The following EPS8 variants were observed in gnomAD, a reference collection of about 807,000 sequenced individuals.
The protein encoded by EPS8 is epidermal growth factor receptor kinase substrate 8.
In EPS8, 42 loss-of-function variants were observed where a neutral mutation model predicts 103.8. The ratio of observed to expected loss-of-function variants is 0.40; its 90% CI spans 0.32 to 0.52. The LOEUF (loss-of-function observed/expected upper bound fraction) is 0.52. Among genes scored for constraint, EPS8 ranks in the 20% least tolerant of loss-of-function variants. The pLI is 0.40. For missense variants in EPS8, 969 were observed against 1,005.1 expected (o/e 0.96, Z 0.49); for synonymous variants, 344 against 344.6 (o/e 1.00, Z 0.02).
intron 1 of EPS8, among the ~76,000 whole-genome samples, chr12:15,770,347 A>G (rs1947141199): frequency 6.6e-6 from 1 of 151,864 alleles, no homozygotes; most frequent in Non-Finnish European, 1.5e-5. Context: ...GGAAAAAATA[A>G]CATTATTCAT....
At chr12:15,709,160 A>T (rs1159998452) in intron 1 of EPS8, among the ~76,000 whole-genome samples, 3 of 152,228 alleles carry the variant, frequency 2.0e-5, no homozygotes, top group Admixed American at 2.0e-4. Context: ...AAGGCAACCT[A>T]GAAGAAACAA....
chr12:15,651,115 A>C, intron 13 of EPS8, 109 bp from the exon 14 acceptor site: 1 of 798,808 alleles, frequency 1.3e-6, no homozygotes, highest in Non-Finnish European at 2.0e-6. Context: ...CATAAATAAC[A>C]AACAACAAAA....
intron 1 of EPS8, among the ~76,000 whole-genome samples, chr12:15,715,371 T>C: frequency 6.9e-6 from 1 of 145,492 alleles, no homozygotes; most frequent in African/African-American, 2.5e-5. Context: ...AAGAGCGCTT[T>C]CTTTTTTTTT....
At position 15,697,614 on chromosome 12, in the gene EPS8, C is replaced by T. The variant is rs1449695593; in HGVS notation, c.-21-14642G>A. ...GGGATAAAATTCAACCACTTTGCCA[C>T]ATAGAGGAAAATAATGGCTAGAGTT... is the stretch of plus-strand genomic sequence containing the variant. On this transcript the variant is annotated intron_variant, in intron 1 of 20. Transcript: ENST00000281172. This position sits in a 1 kb window ranked among gnomAD's most constrained non-coding sequence, Gnocchi z 5.6. 1.3e-5 allele frequency among the ~76,000 whole-genome samples: 2 copies of T among 152,144 alleles called. No homozygotes were observed. The highest frequency in any genetic ancestry group is 2.1e-4 in the South Asian group (1 of 4,828).
chr12:15,788,748 GC>G (rs1394199141), intron 1 of EPS8, among the ~76,000 whole-genome samples: 5 of 152,202 alleles, frequency 3.3e-5, no homozygotes, highest in Non-Finnish European at 5.9e-5. Context: ...CCCATTTGAG[GC>G]GGGTTGGCAG....
chr12:15,722,593 T>C (rs1008135960), intron 1 of EPS8, among the ~76,000 whole-genome samples: 8 of 152,194 alleles, frequency 5.3e-5, no homozygotes, highest in Non-Finnish European at 1.2e-4. Context: ...TCTGTCTTAG[T>C]GCATTCAGAC....
chr12:15,654,314 T>G (rs1180715930), intron 12 of EPS8, 21 bp from the exon 13 acceptor site: 6 of 1,608,846 alleles, frequency 3.7e-6, no homozygotes, highest in Non-Finnish European at 5.1e-6. Flanking sequence ...AAACCATTTT[T>G]TAGCAAGAAG....
intron 1 of EPS8, among the ~76,000 whole-genome samples, chr12:15,718,974 CA>C (rs1946563450): frequency 6.6e-6 from 1 of 151,976 alleles, no homozygotes; most frequent in South Asian, 2.1e-4. Context: ...AGCTAGGTAG[CA>C]AGACTTAACC....
Position 15,631,660 on chromosome 12 carries a change from T to C in EPS8, c.1826A>G (p.Gln609Arg), listed in dbSNP as rs373368094. Residue 609 changes from glutamine to arginine, a missense_variant, in exon 18 of 21, where the codon CAA becomes CGA. Physicochemically the swap from Gln to Arg is conservative, Grantham distance 43. Transcript: ENST00000281172. ...TGGTCTTGGGCCATACTCCATCCTT[T>C]GTTTCTATAAAAAGACAAATAATTA... ...DPPYTHTIQK[Q>R]RMEYGPRPAD... The C allele has an allele frequency of 7.5e-6, 12 of 1,606,266 alleles. No homozygotes were observed. The African/African-American group carries it at 1.5e-4, about 20-fold the overall frequency.
At chr12:15,665,649 A>G in intron 8 of EPS8, 107 bp downstream of exon 8, 5 of 1,411,300 alleles carry the variant, frequency 3.5e-6, no homozygotes, top group South Asian at 1.2e-5. Flanking sequence ...TTTTTTAAAA[A>G]CTAACCTCAA....
chr12:15,718,197 T>C (rs1449286053), intron 1 of EPS8, among the ~76,000 whole-genome samples: 1 of 152,190 alleles, frequency 6.6e-6, no homozygotes, highest in African/African-American at 2.4e-5. Context: ...ATGAGACCAA[T>C]TTGTACAGTC....
At chr12:15,739,487 TG>T (rs1398756388) in intron 1 of EPS8, among the ~76,000 whole-genome samples, 1 of 152,146 alleles carries the variant, frequency 6.6e-6, no homozygotes, top group Non-Finnish European at 1.5e-5. Flanking sequence ...TCCAATCGAC[TG>T]GGGGACCAGA....
chr12:15,705,298 T>C (rs1315601686), intron 1 of EPS8, among the ~76,000 whole-genome samples: 3 of 152,214 alleles, frequency 2.0e-5, no homozygotes, highest in Non-Finnish European at 4.4e-5. Context: ...TACATGACAT[T>C]ACTTTTAAAA....
intron 1 of EPS8, among the ~76,000 whole-genome samples, chr12:15,686,622 T>C (rs983987513): frequency 1.1e-4 from 17 of 152,166 alleles, no homozygotes; most frequent in Non-Finnish European, 1.9e-4. Flanking sequence ...GGAAATGGAA[T>C]ATATAAAAAA....
intron 3 of EPS8, among the ~76,000 whole-genome samples, chr12:15,675,203 C>T (rs182891945): frequency 2.6e-5 from 4 of 152,272 alleles, no homozygotes; most frequent in Admixed American, 1.3e-4. Flanking sequence ...TACTTATACT[C>T]AATTCTTACC....
At chr12:15,741,951 A>C (rs1052407682) in intron 1 of EPS8, among the ~76,000 whole-genome samples, 12 of 152,158 alleles carry the variant, frequency 7.9e-5, no homozygotes, top group Non-Finnish European at 7.3e-5. Context: ...CCTATGAGTG[A>C]GAACATGCAG....
At position 15,697,806 on chromosome 12, in the gene EPS8, T is replaced by G. The variant is rs1039748092; in HGVS notation, c.-21-14834A>C. On this transcript the variant is annotated intron_variant, in intron 1 of 20. Transcript: ENST00000281172. This position sits in a 1 kb window ranked among gnomAD's most constrained non-coding sequence, Gnocchi z 5.6. ...AAAAAGGGAACTGGATTCTGAAAGTTTAGGGAGTCCAAGCAGTAGATGATC... is the reference window on the plus strand; with the variant it reads ...AAAAAGGGAACTGGATTCTGAAAGTGTAGGGAGTCCAAGCAGTAGATGATC... Among the ~76,000 whole-genome samples, 1 of 152,080 alleles carries G rather than the reference T, an allele frequency of 6.6e-6. No homozygotes were observed. Among genetic ancestry groups the G allele is most frequent in the Non-Finnish European group, 1.5e-5 (1 of 68,028 alleles).
At chr12:15,657,564 TAA>T (rs1438124040) in intron 12 of EPS8, among the ~76,000 whole-genome samples, 3 of 152,178 alleles carry the variant, frequency 2.0e-5, no homozygotes, top group Admixed American at 2.0e-4. Context: ...TGGGCTACTA[TAA>T]AGCCAAGCAC....
At position 15,630,235 on chromosome 12, in the gene EPS8, C is replaced by A. The variant is rs1389604985; in HGVS notation, c.2044+1207G>T. ...ACACACACACACACACATACACACA[C>A]ACACTTCATATACTTTTGTCATATT... On this transcript the variant is annotated intron_variant, in intron 18 of 20. Transcript: ENST00000281172. Among the ~76,000 whole-genome samples, 3 of 152,018 alleles carry A rather than the reference C, an allele frequency of 2.0e-5. No individual in the cohort carries two copies. In the East Asian group the frequency reaches 5.8e-4, roughly 29 times the overall value.
Sources: allele counts gnomAD v4.1 joint callset (sites outside exome capture counted in the v4.1 genomes callset), GRCh38; gene constraint gnomAD v4.1.1; non-coding constraint Gnocchi (gnomAD v3.1); transcripts MANE v1.5; gene names NCBI Gene and HGNC (gene_info 2026-07-23, HGNC 2026-07-21).